The following TRPM3 variants were observed in gnomAD, a reference collection of about 807,000 sequenced individuals.
TRPM3 encodes the protein transient receptor potential cation channel subfamily M member 3, also known as long transient receptor potential channel 3.
In TRPM3, 77 loss-of-function variants were observed where a neutral mutation model predicts 181.2. That is an observed-to-expected ratio of 0.42 (90% CI 0.35 to 0.51). The LOEUF (loss-of-function observed/expected upper bound fraction) is 0.51, where lower values mean the gene tolerates loss of function less well. Among genes scored for constraint, TRPM3 ranks in the 20% least tolerant of loss-of-function variants. The pLI is 0.01. For synonymous variants in TRPM3, 745 were observed against 796.4 expected, an observed-to-expected ratio of 0.94 and a Z score of 1.09; for missense variants, 1,759 against 2,196.7, an observed-to-expected ratio of 0.80 and a Z score of 3.98.
intron 1 of TRPM3, among the ~76,000 whole-genome samples, chr9:70,985,509 G>C (rs2097410330): frequency 6.6e-6 from 1 of 152,182 alleles, no homozygotes; most frequent in Admixed American, 6.5e-5. Flanking sequence ...TGAAATGTCT[G>C]TATCAACCAA....
chr9:71,309,773 ATTCAT>A (rs1306368789), intron 1 of TRPM3, among the ~76,000 whole-genome samples: 1 of 152,152 alleles, frequency 6.6e-6, no homozygotes, highest in Non-Finnish European at 1.5e-5. Context: ...ATGCACACAC[ATTCAT>A]TTCAACTAAA....
intron 5 of TRPM3, among the ~76,000 whole-genome samples, chr9:70,832,535 C>T (rs1172993852): frequency 6.6e-6 from 1 of 152,058 alleles, no homozygotes; most frequent in Non-Finnish European, 1.5e-5. Flanking sequence ...AACAAAGAGG[C>T]CCTCTGAAGT....
intron 1 of TRPM3, among the ~76,000 whole-genome samples, chr9:71,324,599 C>A (rs1044363174): frequency 2.6e-5 from 4 of 151,790 alleles, no homozygotes; most frequent in African/African-American, 9.7e-5. Flanking sequence ...CCAATTGACC[C>A]GGCAATCCCA....
intron 1 of TRPM3, among the ~76,000 whole-genome samples, chr9:71,362,570 C>T (rs2092193798): frequency 1.3e-5 from 2 of 152,176 alleles, no homozygotes; most frequent in Admixed American, 6.5e-5. Context: ...TATACTTATA[C>T]ACTCTAAAAA....
chr9:70,885,435 T>C (rs938503772), intron 1 of TRPM3, among the ~76,000 whole-genome samples: 1 of 152,190 alleles, frequency 6.6e-6, no homozygotes, highest in Non-Finnish European at 1.5e-5. Context: ...TAGGGAAGAA[T>C]GAGTTAGTCT....
intron 1 of TRPM3, among the ~76,000 whole-genome samples, chr9:71,436,465 G>A (rs1057280645): frequency 1.7e-5 from 2 of 120,906 alleles, no homozygotes; most frequent in Non-Finnish European, 3.4e-5. Flanking sequence ...ACCATGCCTG[G>A]CTAATTTTTT....
At chr9:70,624,647 G>A (rs995611506) in intron 14 of TRPM3, among the ~76,000 whole-genome samples, 1 of 151,916 alleles carries the variant, frequency 6.6e-6, no homozygotes, top group Admixed American at 6.6e-5. Context: ...ATTTTTGTGG[G>A]GTCAGATTTT....
At chr9:71,443,973 G>A (rs1187038764) in intron 1 of TRPM3, among the ~76,000 whole-genome samples, 2 of 152,112 alleles carry the variant, frequency 1.3e-5, no homozygotes, top group Non-Finnish European at 2.9e-5. Context: ...GAGGTCAGGA[G>A]ATCGAGACCA....
chr9:70,660,772 G>A (rs554100350), intron 9 of TRPM3, among the ~76,000 whole-genome samples: 1 of 152,058 alleles, frequency 6.6e-6, no homozygotes, highest in Admixed American at 6.6e-5. Context: ...CAAATAACAA[G>A]CAGCAAGATT....
At chr9:70,971,374 G>T (rs1350453092) in intron 1 of TRPM3, among the ~76,000 whole-genome samples, 1 of 151,958 alleles carries the variant, frequency 6.6e-6, no homozygotes, top group Non-Finnish European at 1.5e-5. Flanking sequence ...CCTTTTTAAT[G>T]CCTTTCATTT....
chr9:71,391,392 G>A (rs1565526679), intron 1 of TRPM3, among the ~76,000 whole-genome samples: 1 of 151,918 alleles, frequency 6.6e-6, no homozygotes, highest in African/African-American at 2.4e-5. Context: ...TTCTTTCTAT[G>A]AAAAAATCGC....
At chr9:70,569,056 ATTCCTTT>A (rs2051440120) in intron 22 of TRPM3, among the ~76,000 whole-genome samples, 1 of 152,236 alleles carries the variant, frequency 6.6e-6, no homozygotes, top group South Asian at 2.1e-4. Flanking sequence ...TTGTCCAATA[ATTCCTTT>A]GTAAATGAGT....
At chr9:71,007,039 C>CAAAAAA (rs59442017) in intron 1 of TRPM3, among the ~76,000 whole-genome samples, 22 of 27,980 alleles carry the variant, frequency 7.9e-4, no homozygotes, top group East Asian at 1.4e-3. Flanking sequence ...AACTCCATCT[C>CAAAAAA]AAAAAAAAAA....
chr9:71,315,176 T>C (rs1022293350), intron 1 of TRPM3, among the ~76,000 whole-genome samples: 2 of 152,164 alleles, frequency 1.3e-5, no homozygotes, highest in Non-Finnish European at 2.9e-5. Context: ...CTCTTTTCCA[T>C]CTAGACTCAA....
Position 70,640,374 on chromosome 9 carries a change from T to C in TRPM3, c.1446+186A>G, listed in dbSNP as rs77877654. 5.6e-3 allele frequency among the ~76,000 whole-genome samples: 851 copies of C among 152,316 alleles called. 8 individuals carry two copies. Among genetic ancestry groups the C allele is most frequent in the African/African-American group, 0.019 (803 of 41,566 alleles). On this transcript the variant is annotated intron_variant, in intron 10 of 25. Coordinates refer to ENST00000677713, the MANE Select transcript of TRPM3 (RefSeq NM_001366145.2). Reference sequence around the variant, plus strand: ...TTTGGAGTTGTGTTCAGTTGAAATTTCCACTAGATGGCGGTGCTTTCCTAA... The same window carrying C: ...TTTGGAGTTGTGTTCAGTTGAAATTCCCACTAGATGGCGGTGCTTTCCTAA...
intron 1 of TRPM3, among the ~76,000 whole-genome samples, chr9:70,882,357 T>C (rs1017171060): frequency 9.9e-5 from 15 of 152,190 alleles, no homozygotes; most frequent in Non-Finnish European, 2.1e-4. Flanking sequence ...ACATAAATTA[T>C]ATCTCTTAAG....
chr9:70,956,335 G>T (rs1416685360), intron 1 of TRPM3, among the ~76,000 whole-genome samples: 1 of 122,238 alleles, frequency 8.2e-6, no homozygotes, highest in Non-Finnish European at 1.6e-5. Context: ...GAAAGCACTG[G>T]CTTCTGTTAA....
intron 1 of TRPM3, among the ~76,000 whole-genome samples, chr9:70,928,323 C>T (rs757517290): frequency 2.0e-5 from 3 of 152,268 alleles, no homozygotes; most frequent in African/African-American, 2.4e-5. Flanking sequence ...GACCATGTCC[C>T]GTAATTCCTT....
At chr9:70,600,418 C>T (rs925259035) in intron 20 of TRPM3, among the ~76,000 whole-genome samples, 3 of 152,150 alleles carry the variant, frequency 2.0e-5, no homozygotes, top group African/African-American at 4.8e-5. Context: ...GACAGGTTTT[C>T]GTAAGTCAGG....
Sources: allele counts gnomAD v4.1 joint callset (sites outside exome capture counted in the v4.1 genomes callset), GRCh38; gene constraint gnomAD v4.1.1; transcripts MANE v1.5; gene names NCBI Gene and HGNC (gene_info 2026-07-23, HGNC 2026-07-21).